PTPRD: variants seen among roughly 807,000 people sequenced by gnomAD.
PTPRD encodes the protein receptor-type tyrosine-protein phosphatase delta.
PTPRD carries 34 observed loss-of-function variants against 214.5 expected under a neutral mutation model. That is an observed-to-expected ratio of 0.16 (90% confidence interval 0.12 to 0.21). The LOEUF (loss-of-function observed/expected upper bound fraction) is 0.21. Ranked by LOEUF, PTPRD falls within the 10% of genes least tolerant of loss-of-function variation. The pLI is 1.00. For missense variants in PTPRD, 2,545 were observed against 2,398.7 expected, an observed-to-expected ratio of 1.06 and a Z score of -1.27; for synonymous variants, 1,128 against 845.7, an observed-to-expected ratio of 1.33 and a Z score of -5.79.
At chr9:8,335,940 C>G (rs1450438281) in intron 43 of PTPRD, among the ~76,000 whole-genome samples, 9 of 152,108 alleles carry the variant, frequency 5.9e-5, no homozygotes, top group Non-Finnish European at 1.2e-4. Context: ...GAACTGCAAA[C>G]CACTGCTCAA....
At chr9:8,610,730 A>AT (rs2095418226) in intron 14 of PTPRD, among the ~76,000 whole-genome samples, 1 of 152,178 alleles carries the variant, frequency 6.6e-6, no homozygotes, top group South Asian at 2.1e-4. Flanking sequence ...CAGGGACATT[A>AT]TTTCATCCAG....
intron 12 of PTPRD, among the ~76,000 whole-genome samples, chr9:8,692,562 A>C (rs1018710310): frequency 1.3e-5 from 2 of 152,210 alleles, no homozygotes; most frequent in African/African-American, 2.4e-5. Flanking sequence ...GAACACTAGC[A>C]ATCTCTACCA....
intron 33 of PTPRD, among the ~76,000 whole-genome samples, chr9:8,452,930 A>G (rs2096017440): frequency 6.6e-6 from 1 of 152,250 alleles, no homozygotes; most frequent in Non-Finnish European, 1.5e-5. Flanking sequence ...TGAAAGAAAC[A>G]TATACTTATT....
At chr9:9,989,384 G>A (rs948925238) in intron 4 of PTPRD, among the ~76,000 whole-genome samples, 14 of 152,146 alleles carry the variant, frequency 9.2e-5, no homozygotes, top group African/African-American at 3.4e-4. Flanking sequence ...ACTGGTAGAG[G>A]AGCAGAGCGG....
chr9:8,817,358 A>G (rs1337551786), intron 11 of PTPRD, among the ~76,000 whole-genome samples: 2 of 152,216 alleles, frequency 1.3e-5, no homozygotes, highest in Admixed American at 6.5e-5. Flanking sequence ...GAAATAGTAA[A>G]AGAAGTTCTA....
chr9:9,019,294 AAG>A (rs1318808821), intron 10 of PTPRD, among the ~76,000 whole-genome samples: 3 of 48,226 alleles, frequency 6.2e-5, no homozygotes, highest in Non-Finnish European at 1.3e-4. Flanking sequence ...GAAAGAAAGA[AAG>A]AAAGAAAGAA....
At chr9:9,473,655 C>A (rs1288237071) in intron 8 of PTPRD, among the ~76,000 whole-genome samples, 2 of 152,044 alleles carry the variant, frequency 1.3e-5, no homozygotes, top group East Asian at 3.9e-4. Context: ...ACTTCATTCT[C>A]TTGATGATGG....
At chr9:9,315,253 A>G (rs968822468) in intron 9 of PTPRD, among the ~76,000 whole-genome samples, 1 of 151,888 alleles carries the variant, frequency 6.6e-6, no homozygotes, top group African/African-American at 2.4e-5. Flanking sequence ...TATCTGAAGT[A>G]TTTTCTCGTA....
Position 8,782,482 on chromosome 9 carries a change from T to C in PTPRD, c.-103-48536A>G, listed in dbSNP as rs2095757757. Reference sequence around the variant, plus strand: ...TAACTGTAATTTTATATCCTCAATTTCTTTTCATCATATGGCTAAAACATA... The same window carrying C: ...TAACTGTAATTTTATATCCTCAATTCCTTTTCATCATATGGCTAAAACATA... On this transcript the variant is annotated intron_variant, in intron 11 of 45. Transcript: ENST00000381196. Among the ~76,000 whole-genome samples the C allele has an allele frequency of 2.0e-5, 3 of 152,322 alleles. No individual in the cohort carries two copies. The South Asian group carries it at 6.2e-4, about 32-fold the overall frequency.
intron 30 of PTPRD, among the ~76,000 whole-genome samples, chr9:8,479,242 T>A (rs773954912): frequency 1.3e-5 from 2 of 152,210 alleles, no homozygotes; most frequent in East Asian, 1.9e-4. Context: ...TTCCAATAAA[T>A]AGAAATCATC....
At chr9:10,514,647 C>CT (rs567432549) in intron 2 of PTPRD, among the ~76,000 whole-genome samples, 6 of 151,554 alleles carry the variant, frequency 4.0e-5, no homozygotes, top group Non-Finnish European at 4.4e-5. Flanking sequence ...AACCAAGTGA[C>CT]TTTTTTTTCC....
intron 9 of PTPRD, among the ~76,000 whole-genome samples, chr9:9,381,696 T>TA (rs1387796226): frequency 5.3e-4 from 73 of 138,888 alleles, no homozygotes; most frequent in Non-Finnish European, 8.7e-4. Context: ...GTTGTTTTGT[T>TA]TTTTGTTTTT....
At chr9:8,687,055 C>A (rs148186951) in intron 12 of PTPRD, among the ~76,000 whole-genome samples, 96 of 152,300 alleles carry the variant, frequency 6.3e-4, no homozygotes, top group African/African-American at 2.1e-3. Context: ...TCCTGGGAGA[C>A]CTTTCATACC....
chr9:8,993,736 T>C (rs551356630), intron 11 of PTPRD, among the ~76,000 whole-genome samples: 1 of 152,262 alleles, frequency 6.6e-6, no homozygotes, highest in Admixed American at 6.6e-5. Context: ...ATGCAAGTCC[T>C]GATGAAGGAA....
At chr9:8,543,900 C>T (rs187493909) in intron 14 of PTPRD, among the ~76,000 whole-genome samples, 46 of 152,070 alleles carry the variant, frequency 3.0e-4, no homozygotes, top group Middle Eastern at 3.4e-3. Context: ...TTAGTAGAGA[C>T]GGGGTTTCAC....
chr9:9,948,562 C>T (rs963084004), intron 4 of PTPRD, among the ~76,000 whole-genome samples: 9 of 152,064 alleles, frequency 5.9e-5, no homozygotes, highest in African/African-American at 2.2e-4. Context: ...CTTTTAGCCT[C>T]AACTCTTTAG....
At chr9:9,490,520 G>T (rs1383552174) in intron 8 of PTPRD, among the ~76,000 whole-genome samples, 1 of 151,912 alleles carries the variant, frequency 6.6e-6, no homozygotes, top group African/African-American at 2.4e-5. Flanking sequence ...GCATTTCAAA[G>T]AATTATTTGT....
In PTPRD at chr9:9,683,803, A is replaced by C. The variant is rs114877880; in HGVS notation, c.-287+50730T>G. Among the ~76,000 whole-genome samples, 1,406 of 151,928 alleles carry C rather than the reference A, an allele frequency of 9.3e-3. 22 individuals carry two copies. Among genetic ancestry groups the C allele is most frequent in the African/African-American group, 0.031 (1,278 of 41,504 alleles). ...TGTAATGTATAATTTTATACATAAA[A>C]AATCATTTTAACGAATTGATATTTA... On this transcript the variant is annotated intron_variant, in intron 7 of 45. Coordinates refer to ENST00000381196, the MANE Select transcript of PTPRD (RefSeq NM_002839.4).
At chr9:8,334,211 C>T (rs559755926) in intron 43 of PTPRD, among the ~76,000 whole-genome samples, 1 of 152,198 alleles carries the variant, frequency 6.6e-6, no homozygotes, top group African/African-American at 2.4e-5. Context: ...GAACTCTCCA[C>T]CCCAAATCAA....
Sources: allele counts gnomAD v4.1 joint callset (sites outside exome capture counted in the v4.1 genomes callset), GRCh38; gene constraint gnomAD v4.1.1; transcripts MANE v1.5; gene names NCBI Gene and HGNC (gene_info 2026-07-23, HGNC 2026-07-21).